The following WWC2 variants were observed in gnomAD, a reference collection of about 807,000 sequenced individuals.
WWC2 encodes the protein protein WWC2.
A neutral mutation model predicts 138.5 loss-of-function variants in WWC2; 101 were observed. The ratio of observed to expected loss-of-function variants is 0.73; its 90% CI spans 0.62 to 0.86. The LOEUF (loss-of-function observed/expected upper bound fraction) is 0.86. Ranked by LOEUF, WWC2 falls within the 40% of genes least tolerant of loss-of-function variation. The probability of loss-of-function intolerance (pLI) is 0.00; values close to 1 mark genes in which losing one functional copy is unlikely to be tolerated. For missense variants in WWC2, 1,420 were observed against 1,419.4 expected, an observed-to-expected ratio of 1.00 and a Z score of -0.01; for synonymous variants, 558 against 538.4, an observed-to-expected ratio of 1.04 and a Z score of -0.50.
intron 17 of WWC2, among the ~76,000 whole-genome samples, chr4:183,281,599 T>C (rs1341354894): frequency 3.9e-5 from 6 of 152,210 alleles, no homozygotes; most frequent in Admixed American, 2.0e-4. Context: ...CATGTGCATA[T>C]ACATATATAG....
chr4:183,289,798 T>G lies in WWC2; in HGVS notation c.3384+163T>G, dbSNP rs904661094. ...CCCACTGTTATAGGCCCTTTTTTTT[T>G]TTTTTCCAAACCAAAAATGTTGAAG... is the stretch of plus-strand genomic sequence containing the variant. On this transcript the variant is annotated intron_variant, in intron 21 of 22. Coordinates refer to ENST00000403733, the MANE Select transcript of WWC2 (RefSeq NM_024949.6). 3.3e-5 allele frequency among the ~76,000 whole-genome samples: 5 copies of G among 152,008 alleles called. No homozygotes were observed. The South Asian group carries it at 1.0e-3, about 32-fold the overall frequency.
chr4:183,200,905 A>AT (rs771679082), intron 2 of WWC2, among the ~76,000 whole-genome samples: 3 of 152,218 alleles, frequency 2.0e-5, no homozygotes, highest in Non-Finnish European at 2.9e-5. Flanking sequence ...GATCTAGCGC[A>AT]TACTCAAGAG....
In WWC2 at chr4:183,248,762, A is replaced by G. The variant is rs771560744; in HGVS notation, c.781A>G (p.Arg261Gly). ...GTTTCATTTGGATCAGAACATTGGC[A>G]GATCTGAGCCAGATTTGAGATGTAG... ...ERFHLDQNIG[R>G]SEPDLRCSPV... is the part of the protein sequence containing the mutation. The change falls in exon 7 of 23, where the codon AGA becomes GGA. Residue 261 changes from arginine (R) to glycine (G), a missense_variant. Physicochemically the swap from Arg to Gly is moderately radical, Grantham distance 125. Coordinates refer to ENST00000403733, the MANE Select transcript of WWC2 (RefSeq NM_024949.6). The G allele has an allele frequency of 6.2e-7, 1 of 1,604,442 alleles. No individual in the cohort carries two copies. The highest frequency in any genetic ancestry group is 1.1e-5 in the South Asian group (1 of 88,992).
chr4:183,201,902 G>A (rs1735309532), intron 2 of WWC2, among the ~76,000 whole-genome samples: 1 of 152,182 alleles, frequency 6.6e-6, no homozygotes, highest in Non-Finnish European at 1.5e-5. Flanking sequence ...AGGTGACTGA[G>A]TGATGATGGG....
chr4:183,195,430 T>G (rs1217559211), intron 2 of WWC2, among the ~76,000 whole-genome samples: 2 of 152,190 alleles, frequency 1.3e-5, no homozygotes, highest in Non-Finnish European at 2.9e-5. Context: ...AAACCCACCT[T>G]CAGGGCTTCC....
At chr4:183,286,139 A>G in intron 20 of WWC2, 80 bp downstream of exon 20, 1 of 1,317,172 alleles carries the variant, frequency 7.6e-7, no homozygotes, top group Non-Finnish European at 1.1e-6. Context: ...CTCCAGAACT[A>G]CAGAATGAAT....
chr4:183,259,708 T>C lies in WWC2; in HGVS notation c.1266T>C (p.Tyr422=). 4 of 1,547,572 alleles carry C rather than the reference T, an allele frequency of 2.6e-6. No homozygotes were observed. The highest frequency in any genetic ancestry group is 2.0e-5 in the Admixed American group (1 of 50,484). Residue 422 remains tyrosine (Y), a synonymous_variant, in exon 10 of 23, where the codon TAT becomes TAC. Transcript: ENST00000403733. ...AAGAAACTACTAAATTAACTACTTA[T>C]TTGCATTCACAACTTAAAAGGTGAG... ...KLEETTKLTT[Y]LHSQLKSLSA...
At chr4:183,247,800 TATAGTATATATATCCC>T (rs1404227636) in intron 6 of WWC2, among the ~76,000 whole-genome samples, 65 of 143,326 alleles carry the variant, frequency 4.5e-4, no homozygotes, top group African/African-American at 1.6e-3. Flanking sequence ...ATATATAGTA[TATAGTATATATATCCC>T]TTTGAGAGAA....
At chr4:183,146,477 G>A (rs1055518053) in intron 1 of WWC2, among the ~76,000 whole-genome samples, 12 of 152,230 alleles carry the variant, frequency 7.9e-5, no homozygotes, top group African/African-American at 2.9e-4. Context: ...TGTTGGAAAA[G>A]CTTTGACAAT....
chr4:183,099,378 G>A lies in WWC2; in HGVS notation c.-114G>A. 1 of 1,098,864 alleles carries A rather than the reference G, an allele frequency of 9.1e-7. No homozygotes were observed. The highest frequency in any genetic ancestry group is 1.1e-6 in the Non-Finnish European group (1 of 888,492). The allele number at this position is 1,098,864 out of a possible 1,614,324, so 68.1% of individuals were successfully genotyped here. On this transcript the variant is annotated 5_prime_UTR_variant, in exon 1 of 23. Coordinates refer to ENST00000403733, the MANE Select transcript of WWC2 (RefSeq NM_024949.6). ...CGCGCCCCGCGCCCTGCGCCCCTCA[G>A]CCCCTCGCCGGCGCCCGCGTCGCGG...
intron 1 of WWC2, among the ~76,000 whole-genome samples, chr4:183,105,815 G>A (rs561508112): frequency 2.6e-5 from 4 of 151,858 alleles, no homozygotes; most frequent in African/African-American, 4.8e-5. Context: ...GCGTGAACCC[G>A]GGAAGCGGAG....
chr4:183,218,741 C>A (rs1022418854), intron 4 of WWC2, among the ~76,000 whole-genome samples: 7 of 152,112 alleles, frequency 4.6e-5, no homozygotes, highest in African/African-American at 1.7e-4. Context: ...CAGATGAAGT[C>A]CAAAGGCAGT....
chr4:183,315,575 C>A lies in WWC2; in HGVS notation c.3513-88C>A. ...ACCTGTGCTTGCAGAGACATCACTG[C>A]CACTGCAGGTCTTGGGGACTGTTTT... On this transcript the variant is annotated intron_variant, in intron 22 of 22. Coordinates refer to ENST00000403733, the MANE Select transcript of WWC2 (RefSeq NM_024949.6). 7.5e-6 allele frequency: 7 copies of A among 932,606 alleles called. 1 individual carries two copies. The South Asian group carries it at 9.9e-5, about 13-fold the overall frequency. 57.8% of individuals were successfully genotyped at this position (932,606 alleles called of 1,614,324 possible).
chr4:183,198,816 G>C (rs1469105788), intron 2 of WWC2, among the ~76,000 whole-genome samples: 1 of 52,138 alleles, frequency 1.9e-5, no homozygotes, highest in Non-Finnish European at 4.1e-5. Flanking sequence ...AAAAAAAAAA[G>C]GTTCCTTTTG....
chr4:183,164,161 C>T (rs1444873436), intron 1 of WWC2, among the ~76,000 whole-genome samples: 1 of 150,936 alleles, frequency 6.6e-6, no homozygotes, highest in South Asian at 2.1e-4. Context: ...GCTCTAATTT[C>T]ATTTAGTAAG....
intron 21 of WWC2, among the ~76,000 whole-genome samples, chr4:183,311,533 G>A (rs1199112497): frequency 6.6e-6 from 1 of 150,482 alleles, no homozygotes; most frequent in Non-Finnish European, 1.5e-5. Context: ...ACATGGGTGT[G>A]TTCAATTTGT....
At chr4:183,227,730 G>A (rs941454730) in intron 4 of WWC2, among the ~76,000 whole-genome samples, 2 of 151,904 alleles carry the variant, frequency 1.3e-5, no homozygotes, top group Non-Finnish European at 2.9e-5. Context: ...CATACCAATC[G>A]TGTTTTCTTA....
chr4:183,310,530 T>A (rs1431645046), intron 21 of WWC2, among the ~76,000 whole-genome samples: 1 of 152,160 alleles, frequency 6.6e-6, no homozygotes, highest in African/African-American at 2.4e-5. Context: ...TGAAACAGGG[T>A]CTTGCTCTGT....
intron 8 of WWC2, among the ~76,000 whole-genome samples, chr4:183,251,555 A>G (rs984895139): frequency 6.6e-6 from 1 of 152,100 alleles, no homozygotes; most frequent in Non-Finnish European, 1.5e-5. Context: ...CTGCTCCCCA[A>G]ATTTGGAACA....
Sources: allele counts gnomAD v4.1 joint callset (sites outside exome capture counted in the v4.1 genomes callset), GRCh38; gene constraint gnomAD v4.1.1; transcripts MANE v1.5; gene names NCBI Gene and HGNC (gene_info 2026-07-23, HGNC 2026-07-21).